Variants in CCBE1 observed in about 807,000 individuals in gnomAD.
CCBE1 encodes collagen and calcium binding EGF domains 1.
Under a neutral mutation model 50.0 loss-of-function variants are expected in CCBE1, and 37 were observed. The observed-to-expected ratio is 0.74, with a 90% CI of 0.57 to 0.97. The LOEUF (loss-of-function observed/expected upper bound fraction) is 0.97, where lower values mean the gene tolerates loss of function less well. CCBE1 is among the 50% of genes least tolerant of loss of function. CCBE1 has a pLI of 0.00. For synonymous variants in CCBE1, 234 were observed against 203.7 expected (o/e 1.15, Z -1.27); for missense variants, 538 against 523.8 (o/e 1.03, Z -0.26).
chr18:59,636,814 C>G (rs1455607086), intron 2 of CCBE1, among the ~76,000 whole-genome samples: 3 of 152,166 alleles, frequency 2.0e-5, no homozygotes, highest in Non-Finnish European at 1.5e-5. Flanking sequence ...CAGATACTGA[C>G]TGTAAAATAA....
chr18:59,609,757 C>T (rs1464771125), intron 2 of CCBE1, among the ~76,000 whole-genome samples: 1 of 152,176 alleles, frequency 6.6e-6, no homozygotes, highest in East Asian at 1.9e-4. Context: ...TATTCCTCTC[C>T]TGTAAACATC....
rs112327614 is a variant in CCBE1 at position 59,513,578 on chromosome 18, G to A, written c.213-33340C>T. Among the ~76,000 whole-genome samples, 797 of 152,360 alleles carry A rather than the reference G, an allele frequency of 5.2e-3. 6 individuals are homozygous for A. The highest frequency in any genetic ancestry group is 0.018 in the African/African-American group (736 of 41,590). The stretch of plus-strand genomic sequence containing the variant: ...TGGCAGGACAGGTGGCCAGCTCCTA[G>A]TTCCATCAAGGAAGACAGGGGTGAT... On this transcript the variant is annotated intron_variant, in intron 2 of 10. Coordinates refer to ENST00000439986, the MANE Select transcript of CCBE1 (RefSeq NM_133459.4).
chr18:59,539,452 T>C (rs995889140), intron 2 of CCBE1, among the ~76,000 whole-genome samples: 4 of 152,176 alleles, frequency 2.6e-5, no homozygotes, highest in Admixed American at 2.6e-4. Context: ...AGAACAGCTA[T>C]GGTTCAGCTG....
intron 4 of CCBE1, among the ~76,000 whole-genome samples, 163 bp downstream of exon 4, chr18:59,469,310 G>A (rs1402130702): frequency 1.3e-5 from 2 of 152,122 alleles, no homozygotes; most frequent in African/African-American, 4.8e-5. Context: ...GGGCCTAATT[G>A]GTTTTAGTAA....
intron 2 of CCBE1, among the ~76,000 whole-genome samples, chr18:59,672,276 G>C (rs2054442014): frequency 6.6e-6 from 1 of 152,160 alleles, no homozygotes; most frequent in Admixed American, 6.5e-5. Flanking sequence ...ATGGTAACTT[G>C]CCTGCAGTAA....
chr18:59,661,077 CAA>C (rs1180892042), intron 2 of CCBE1, among the ~76,000 whole-genome samples: 1 of 151,784 alleles, frequency 6.6e-6, no homozygotes, highest in Non-Finnish European at 1.5e-5. Flanking sequence ...GGAGATAGTC[CAA>C]CAATATAGAG....
intron 6 of CCBE1, among the ~76,000 whole-genome samples, chr18:59,448,778 C>T (rs1016003405): frequency 2.0e-5 from 3 of 152,228 alleles, no homozygotes; most frequent in African/African-American, 7.2e-5. Context: ...ACTCAGAATT[C>T]AGTAGGGATG....
At chr18:59,675,122 C>T (rs529127660) in intron 2 of CCBE1, among the ~76,000 whole-genome samples, 3 of 152,248 alleles carry the variant, frequency 2.0e-5, no homozygotes, top group African/African-American at 7.2e-5. Flanking sequence ...GCTTGGATAA[C>T]AGTATTGAAG....
intron 2 of CCBE1, among the ~76,000 whole-genome samples, chr18:59,537,077 C>T (rs1435010448): frequency 6.6e-6 from 1 of 152,042 alleles, no homozygotes; most frequent in Non-Finnish European, 1.5e-5. Flanking sequence ...GCATACAGCC[C>T]CTGGGTATAT....
chr18:59,441,944 G>C (rs1910446500), intron 7 of CCBE1, among the ~76,000 whole-genome samples: 1 of 152,162 alleles, frequency 6.6e-6, no homozygotes, highest in Admixed American at 6.5e-5. Context: ...AGAGAATAAA[G>C]CTCTAACTCC....
intron 2 of CCBE1, among the ~76,000 whole-genome samples, chr18:59,540,405 A>T (rs1000252974): frequency 6.6e-5 from 10 of 152,350 alleles, no homozygotes; most frequent in African/African-American, 2.4e-4. Context: ...TTCAGAGTCA[A>T]ATATGTTCCA....
chr18:59,696,842 C>A, intron 1 of CCBE1, 133 bp from the exon 2 acceptor site: 1 of 993,324 alleles, frequency 1.0e-6, no homozygotes, highest in Middle Eastern at 3.0e-4. Flanking sequence ...GGCTGGTCCC[C>A]AAACGCGTAC....
At chr18:59,625,296 TGGTG>T (rs2053766167) in intron 2 of CCBE1, among the ~76,000 whole-genome samples, 1 of 151,936 alleles carries the variant, frequency 6.6e-6, no homozygotes, top group African/African-American at 2.4e-5. Context: ...CTGGGTGTGG[TGGTG>T]GGCGCCTGTG....
chr18:59,621,210 A>C (rs1476198617), intron 2 of CCBE1, among the ~76,000 whole-genome samples: 2 of 152,202 alleles, frequency 1.3e-5, no homozygotes, highest in Admixed American at 6.5e-5. Flanking sequence ...AAACAGCTAA[A>C]AGCAAACTCC....
chr18:59,658,879 CAAAAAAAAA>C (rs61226521), intron 2 of CCBE1, among the ~76,000 whole-genome samples: 4 of 54,734 alleles, frequency 7.3e-5, no homozygotes, highest in East Asian at 6.2e-4. Flanking sequence ...GACTCTGTCT[CAAAAAAAAA>C]AAAAAAAAAA....
intron 2 of CCBE1, among the ~76,000 whole-genome samples, chr18:59,658,683 C>T (rs1447010625): frequency 6.6e-6 from 1 of 150,952 alleles, no homozygotes; most frequent in Non-Finnish European, 1.5e-5. Flanking sequence ...AGATCAAGAC[C>T]ACCCTTGCCA....
chr18:59,598,644 T>C (rs773567159), intron 2 of CCBE1, among the ~76,000 whole-genome samples: 1 of 152,208 alleles, frequency 6.6e-6, no homozygotes, highest in Non-Finnish European at 1.5e-5. Context: ...CATTTATCCA[T>C]GTAGCTGAGG....
intron 2 of CCBE1, among the ~76,000 whole-genome samples, chr18:59,518,628 A>G (rs1428471940): frequency 6.6e-6 from 1 of 152,226 alleles, no homozygotes; most frequent in East Asian, 1.9e-4. Flanking sequence ...ATGGCACAGA[A>G]GAGTACATGC....
At chr18:59,582,886 C>G (rs2053105875) in intron 2 of CCBE1, among the ~76,000 whole-genome samples, 1 of 152,184 alleles carries the variant, frequency 6.6e-6, no homozygotes, top group African/African-American at 2.4e-5. Context: ...TATCATAGCT[C>G]ACTGCAGCCT....
Sources: allele counts gnomAD v4.1 joint callset (sites outside exome capture counted in the v4.1 genomes callset), GRCh38; gene constraint gnomAD v4.1.1; transcripts MANE v1.5; gene names NCBI Gene and HGNC (gene_info 2026-07-23, HGNC 2026-07-21).